Variants in TDRD3 observed in about 807,000 individuals in gnomAD.
The protein encoded by TDRD3 is tudor domain-containing protein 3.
TDRD3 carries 45 observed loss-of-function variants against 86.7 expected under a neutral mutation model. The observed-to-expected ratio is 0.52, with a 90% confidence interval of 0.41 to 0.67. The LOEUF (loss-of-function observed/expected upper bound fraction) is 0.67, where lower values mean the gene tolerates loss of function less well. Among genes scored for constraint, TDRD3 ranks in the 30% least tolerant of loss-of-function variants. The pLI, the probability that TDRD3 is intolerant of heterozygous loss-of-function variation, is 0.00. For synonymous variants in TDRD3, 298 were observed against 301.7 expected (o/e 0.99, Z 0.13); for missense variants, 814 against 889.0 (o/e 0.92, Z 1.07).
At chr13:60,475,949 G>A (rs1487653588) in intron 5 of TDRD3, among the ~76,000 whole-genome samples, 1 of 152,036 alleles carries the variant, frequency 6.6e-6, no homozygotes, top group Non-Finnish European at 1.5e-5. Flanking sequence ...GACCTTTGTT[G>A]GATGTACAGT....
intron 1 of TDRD3, among the ~76,000 whole-genome samples, chr13:60,436,142 C>A (rs1353163398): frequency 6.9e-6 from 1 of 145,778 alleles, no homozygotes; most frequent in African/African-American, 2.5e-5. Context: ...TGTTTGAGTT[C>A]CTTGTAGATT....
intron 7 of TDRD3, among the ~76,000 whole-genome samples, chr13:60,489,842 T>C (rs891708116): frequency 2.0e-5 from 3 of 152,152 alleles, no homozygotes; most frequent in Non-Finnish European, 4.4e-5. Flanking sequence ...TCAGAAGATA[T>C]TGAGAATATA....
At chr13:60,517,481 G>T (rs1374496811) in intron 10 of TDRD3, among the ~76,000 whole-genome samples, 1 of 152,202 alleles carries the variant, frequency 6.6e-6, no homozygotes, top group Non-Finnish European at 1.5e-5. Flanking sequence ...ATGGTAGAGT[G>T]CCTGTTTGGA....
intron 8 of TDRD3, 130 bp from the exon 9 acceptor site, chr13:60,509,633 G>A: frequency 1.8e-6 from 2 of 1,140,470 alleles, no homozygotes; most frequent in South Asian, 1.5e-5. Flanking sequence ...GCAAGAGAAT[G>A]TTGTATTAGA....
At chr13:60,536,990 A>T (rs1710793899) in intron 12 of TDRD3, 1 of 152,076 alleles carries the variant, frequency 6.6e-6, no homozygotes, top group African/African-American at 2.4e-5. Flanking sequence ...TCATTTAGTG[A>T]TTCTGTTCTG....
rs1566275753 is a variant in TDRD3 at position 60,528,624 on chromosome 13, A to G, written c.1399A>G (p.Arg467Gly). ...AGTATCTGAAGTATGGGCTGAAGACAGAATCAAATGTGATAGACCGTATTC... is the reference window on the plus strand; with the variant it reads ...AGTATCTGAAGTATGGGCTGAAGACGGAATCAAATGTGATAGACCGTATTC... ...SSVSEVWAED[R>G]IKCDRPYSRY... The change falls in exon 11 of 14, where the codon AGA (arginine) becomes GGA (glycine). Residue 467 changes from arginine to glycine, a missense_variant. Arg to Gly is a moderately radical substitution (Grantham distance 125). Coordinates refer to ENST00000377881, the MANE Select transcript of TDRD3 (RefSeq NM_001146070.2). 3 of 1,614,044 alleles carry G rather than the reference A, an allele frequency of 1.9e-6. No individual in the cohort carries two copies. Among genetic ancestry groups the G allele is most frequent in the East Asian group, 2.2e-5 (1 of 44,860 alleles).
chr13:60,473,926 C>G (rs563866113), intron 5 of TDRD3, among the ~76,000 whole-genome samples: 2 of 152,226 alleles, frequency 1.3e-5, no homozygotes, highest in African/African-American at 4.8e-5. Context: ...AAGGGAGTCT[C>G]CCTTTCCCTG....
intron 1 of TDRD3, among the ~76,000 whole-genome samples, chr13:60,418,919 G>C (rs548710822): frequency 6.6e-6 from 1 of 152,118 alleles, no homozygotes; most frequent in African/African-American, 2.4e-5. Flanking sequence ...TTGAGTAGTA[G>C]TTCCTGTTTG....
At chr13:60,521,483 A>G (rs538579237) in intron 10 of TDRD3, among the ~76,000 whole-genome samples, 1 of 152,182 alleles carries the variant, frequency 6.6e-6, no homozygotes, top group Non-Finnish European at 1.5e-5. Flanking sequence ...AAAATGTAAT[A>G]CAGAAATGAA....
intron 4 of TDRD3, 89 bp from the exon 5 acceptor site, chr13:60,467,149 C>T (rs1161782597): frequency 6.7e-7 from 1 of 1,488,334 alleles, no homozygotes; most frequent in South Asian, 1.3e-5. Flanking sequence ...ACCCCACTGC[C>T]TGACAGGCCC....
intron 1 of TDRD3, among the ~76,000 whole-genome samples, chr13:60,415,022 A>T (rs1954465042): frequency 6.6e-6 from 1 of 152,110 alleles, no homozygotes. Context: ...TTGTTCTTAG[A>T]TATCAAAATA....
At chr13:60,490,588 T>C (rs1462862548) in intron 7 of TDRD3, among the ~76,000 whole-genome samples, 1 of 152,196 alleles carries the variant, frequency 6.6e-6, no homozygotes, top group Non-Finnish European at 1.5e-5. Context: ...TCAGCTGACC[T>C]ATATTCTGAA....
intron 3 of TDRD3, among the ~76,000 whole-genome samples, chr13:60,458,044 T>G (rs1955719522): frequency 6.6e-6 from 1 of 152,202 alleles, no homozygotes; most frequent in Non-Finnish European, 1.5e-5. Context: ...GTGGAGCCAC[T>G]ATTTAACCCA....
Position 60,444,754 on chromosome 13 carries a change from G to A in TDRD3, c.192+6G>A. ...ATAGTGGAAAGGTAGAAAAGGTAAA[G>A]AAAATCAATAACTTCTTACATTAAT... On this transcript the variant is annotated splice_donor_region_variant and intron_variant, in intron 3 of 13. Transcript: ENST00000377881. The A allele has an allele frequency of 7.0e-7, 1 of 1,434,094 alleles. No homozygotes were observed. The highest frequency in any genetic ancestry group is 9.4e-7 in the Non-Finnish European group (1 of 1,068,994). 88.8% of individuals were successfully genotyped at this position (1,434,094 alleles called of 1,614,324 possible).
chr13:60,418,467 G>A (rs1954578090), intron 1 of TDRD3, among the ~76,000 whole-genome samples: 1 of 152,044 alleles, frequency 6.6e-6, no homozygotes, highest in Admixed American at 6.5e-5. Context: ...AAACTTATTT[G>A]AGGTCAGTAC....
At chr13:60,468,403 G>C (rs889712631) in intron 5 of TDRD3, among the ~76,000 whole-genome samples, 1 of 152,036 alleles carries the variant, frequency 6.6e-6, no homozygotes, top group African/African-American at 2.4e-5. Context: ...TTCTTCTCAA[G>C]GTGAAGTACT....
At chr13:60,430,137 T>A (rs1318155170) in intron 1 of TDRD3, among the ~76,000 whole-genome samples, 1 of 152,200 alleles carries the variant, frequency 6.6e-6, no homozygotes, top group East Asian at 1.9e-4. Flanking sequence ...GATTTTCATC[T>A]AGTTTTCACT....
At chr13:60,527,677 A>G (rs1364509161) in intron 10 of TDRD3, among the ~76,000 whole-genome samples, 7 of 152,212 alleles carry the variant, frequency 4.6e-5, no homozygotes, top group Non-Finnish European at 1.0e-4. Context: ...CTTGGACATT[A>G]TAGGCAGTAT....
At chr13:60,559,002 A>C (rs1958270661) in intron 12 of TDRD3, among the ~76,000 whole-genome samples, 1 of 151,000 alleles carries the variant, frequency 6.6e-6, no homozygotes, top group African/African-American at 2.4e-5. Context: ...AATTTGAAGA[A>C]TACCCTCACA....
Sources: allele counts gnomAD v4.1 joint callset (sites outside exome capture counted in the v4.1 genomes callset), GRCh38; gene constraint gnomAD v4.1.1; transcripts MANE v1.5; gene names NCBI Gene and HGNC (gene_info 2026-07-23, HGNC 2026-07-21).